Variants in ZNF723 observed in about 807,000 individuals in gnomAD.
ZNF723 encodes the protein zinc finger protein 723, pseudogene.
ZNF723 carries 5 observed loss-of-function variants against 9.4 expected under a neutral mutation model. That is an observed-to-expected ratio of 0.53 (90% CI 0.28 to 1.12). ZNF723 has a LOEUF of 1.12. Ranked by LOEUF, ZNF723 falls within the 50% of genes most tolerant of loss-of-function variation. The probability of loss-of-function intolerance (pLI) is 0.10; values close to 1 mark genes in which losing one functional copy is unlikely to be tolerated. For synonymous variants in ZNF723, 158 were observed against 168.8 expected (o/e 0.94, Z 0.49); for missense variants, 450 against 501.5 (o/e 0.90, Z 0.98).
chr19:22,838,993 C>T (rs991106597), intron 1 of ZNF723, among the ~76,000 whole-genome samples: 35 of 152,068 alleles, frequency 2.3e-4, no homozygotes, highest in African/African-American at 8.2e-4. Flanking sequence ...GTGATCTGCC[C>T]TCCTCGGCCT....
At chr19:22,824,292 CTG>C in the ZNF723 span, among the ~76,000 whole-genome samples, 1 of 151,712 alleles carries the variant, frequency 6.6e-6, no homozygotes, top group African/African-American at 2.4e-5. Flanking sequence ...ACATGAAAGA[CTG>C]TGGAATATCG....
At chr19:22,827,676 T>C (rs1354548190), upstream of ZNF723, among the ~76,000 whole-genome samples, 2 of 152,050 alleles carry the variant, frequency 1.3e-5, no homozygotes, top group Admixed American at 6.5e-5. Context: ...CTTGAACTCC[T>C]GACCTCAGGT....
chr19:22,846,687 C>T (rs1967313367), intron 1 of ZNF723, among the ~76,000 whole-genome samples: 1 of 152,014 alleles, frequency 6.6e-6, no homozygotes, highest in African/African-American at 2.4e-5. Flanking sequence ...GATAACTGCT[C>T]TCTAGGGTGC....
At chr19:22,839,467 T>G (rs1264173432) in intron 1 of ZNF723, among the ~76,000 whole-genome samples, 2 of 57,702 alleles carry the variant, frequency 3.5e-5, no homozygotes, top group Admixed American at 3.2e-4. Flanking sequence ...TTTTTTTTGG[T>G]TTTTTTTTTT....
intron 1 of ZNF723, among the ~76,000 whole-genome samples, chr19:22,839,045 C>T (rs1039684997): frequency 2.6e-5 from 4 of 152,112 alleles, no homozygotes; most frequent in Non-Finnish European, 5.9e-5. Flanking sequence ...CCACGCCCGG[C>T]CTTCTAGAAA....
At chr19:22,815,570 A>G in the ZNF723 span, among the ~76,000 whole-genome samples, 2 of 152,082 alleles carry the variant, frequency 1.3e-5, no homozygotes, top group East Asian at 1.9e-4. Flanking sequence ...CCAAAAACCT[A>G]CTTGATGTGA....
chr19:22,819,575 T>G, the ZNF723 span, among the ~76,000 whole-genome samples: 1 of 152,240 alleles, frequency 6.6e-6, no homozygotes, highest in African/African-American at 2.4e-5. Context: ...AACTGACCCC[T>G]GCCATCTAGG....
rs1214348571 is a variant in ZNF723, at chr19:22,845,889, C to CTTTTTTTT, written c.4-2361_4-2354dup. On this transcript the variant is annotated intron_variant, in intron 1 of 3. Coordinates refer to ENST00000600766, the MANE Select transcript of ZNF723 (RefSeq NM_001349726.2). Reference sequence around the variant, plus strand: ...AGGAGGAGATAGGGAAAAAATATGCCTTTTTTTTTTTTTTTTTTAGCTAAA... The same window carrying CTTTTTTTT: ...AGGAGGAGATAGGGAAAAAATATGCCTTTTTTTTTTTTTTTTTTTTTTTTTTAGCTAAA... 5.8e-3 allele frequency among the ~76,000 whole-genome samples: 717 copies of CTTTTTTTT among 124,310 alleles called. 19 individuals are homozygous for CTTTTTTTT. Among genetic ancestry groups the CTTTTTTTT allele is most frequent in the African/African-American group, 0.021 (679 of 32,410 alleles). The allele number at this position is 124,310 out of a possible 152,430, so 81.6% of individuals were successfully genotyped here. A position where few individuals can be genotyped will look rare whatever the true frequency, so the allele number is the denominator to read the frequency against.
At chr19:22,834,431 AT>A (rs200238794) in intron 1 of ZNF723, among the ~76,000 whole-genome samples, 21,365 of 145,706 alleles carry the variant, frequency 0.15, 1,457 homozygotes, top group East Asian at 0.18. Flanking sequence ...TTTTGGGGTA[AT>A]TTTTTTTTTT....
At chr19:22,827,397 A>C (rs1967046018), upstream of ZNF723, among the ~76,000 whole-genome samples, 1 of 150,822 alleles carries the variant, frequency 6.6e-6, no homozygotes. Flanking sequence ...GTTCATGGGG[A>C]CCTTGGCTAA....
upstream of ZNF723, chr19:22,832,181 C>G: frequency 2.0e-6 from 1 of 509,926 alleles, no homozygotes; most frequent in South Asian, 2.4e-5. Flanking sequence ...CACTCCAGGC[C>G]TGAATGGGCG....
intron 1 of ZNF723, among the ~76,000 whole-genome samples, chr19:22,847,202 A>G (rs779329033): frequency 1.7e-4 from 26 of 151,834 alleles, no homozygotes; most frequent in Admixed American, 3.3e-4. Flanking sequence ...CAGCCTTGCA[A>G]GTTGCTGGGA....
chr19:22,855,760 AC>A (rs1415367378), intron 3 of ZNF723, among the ~76,000 whole-genome samples: 1 of 151,956 alleles, frequency 6.6e-6, no homozygotes, highest in Non-Finnish European at 1.5e-5. Flanking sequence ...ATTTTTGTTG[AC>A]AGTTCAGTGG....
intron 1 of ZNF723, among the ~76,000 whole-genome samples, chr19:22,845,697 GT>G (rs1967298667): frequency 7.0e-6 from 1 of 141,878 alleles, no homozygotes; most frequent in African/African-American, 2.6e-5. Context: ...AATTTTTCAT[GT>G]TATAAAGGAC....
chr19:22,837,065 G>A (rs370631445), intron 1 of ZNF723, among the ~76,000 whole-genome samples: 2 of 152,102 alleles, frequency 1.3e-5, no homozygotes, highest in African/African-American at 2.4e-5. Flanking sequence ...GGCTGAGGTG[G>A]GCAGATCCCT....
intron 1 of ZNF723, among the ~76,000 whole-genome samples, chr19:22,833,013 G>T (rs1266331866): frequency 2.0e-5 from 3 of 151,840 alleles, no homozygotes; most frequent in East Asian, 1.9e-4. Flanking sequence ...GTTTATATTT[G>T]GTTAAGACTG....
intron 1 of ZNF723, among the ~76,000 whole-genome samples, chr19:22,839,258 A>G (rs1473404769): frequency 3.3e-5 from 5 of 152,170 alleles, no homozygotes; most frequent in Non-Finnish European, 7.3e-5. Flanking sequence ...GTGACCATGA[A>G]TGTGCATGTG....
chr19:22,815,521 G>A, the ZNF723 span, among the ~76,000 whole-genome samples: 3 of 152,148 alleles, frequency 2.0e-5, no homozygotes, highest in Non-Finnish European at 2.9e-5. Flanking sequence ...TGACTCCCGC[G>A]TGGTTTCTGC....
chr19:22,854,906 G>A (rs1332841007), intron 3 of ZNF723, among the ~76,000 whole-genome samples: 1 of 151,888 alleles, frequency 6.6e-6, no homozygotes, highest in Non-Finnish European at 1.5e-5. Flanking sequence ...AAGTTTCCAG[G>A]CGTGGTGGCA....
Sources: allele counts gnomAD v4.1 joint callset (sites outside exome capture counted in the v4.1 genomes callset), GRCh38; gene constraint gnomAD v4.1.1; transcripts MANE v1.5; gene names NCBI Gene and HGNC (gene_info 2026-07-23, HGNC 2026-07-21).